Variants in KRT27 observed in about 807,000 individuals in gnomAD.
KRT27 encodes the protein keratin, type I cytoskeletal 27.
KRT27 carries 30 observed loss-of-function variants against 45.3 expected under a neutral mutation model. The ratio of observed to expected loss-of-function variants is 0.66; its 90% CI spans 0.50 to 0.90. KRT27 has a LOEUF of 0.90. Among genes scored for constraint, KRT27 ranks in the 40% least tolerant of loss-of-function variants. The pLI is 0.00. For synonymous variants in KRT27, 204 were observed against 223.9 expected, an observed-to-expected ratio of 0.91 and a Z score of 0.79; for missense variants, 610 against 564.3, an observed-to-expected ratio of 1.08 and a Z score of -0.82.
rs187440937 is a variant in KRT27 at position 40,781,151 on chromosome 17, C to A, written c.527+37G>T. 3,434 of 1,362,832 alleles carry A rather than the reference C, an allele frequency of 2.5e-3. 68 individuals carry two copies. The African/African-American group carries it at 0.045, about 18-fold the overall frequency. 84.4% of individuals were successfully genotyped at this position (1,362,832 alleles called of 1,614,324 possible). A position where few individuals can be genotyped will look rare whatever the true frequency, so the allele number is the denominator to read the frequency against. ...GAATAAAGGAGAAAAAATGCTTAGA[C>A]AACTTTTTTTTCCCATTTATCTTCA... On this transcript the variant is annotated intron_variant, in intron 2 of 7. Coordinates refer to ENST00000301656, the MANE Select transcript of KRT27 (RefSeq NM_181537.4).
rs2038274277 is a variant in KRT27 at position 40,777,285 on chromosome 17, T to C, written c.1208A>G (p.Lys403Arg). The C allele has an allele frequency of 1.7e-5, 27 of 1,613,714 alleles. No individual in the cohort carries two copies. The highest frequency in any genetic ancestry group is 2.2e-5 in the Non-Finnish European group (26 of 1,179,910). ...TTGATTTCCTGGGCCTCCATAGCCTTTTGATTTAGAACAGGAGCTGTAAAA... is the reference window on the plus strand; with the variant it reads ...TTGATTTCCTGGGCCTCCATAGCCTCTTGATTTAGAACAGGAGCTGTAAAA... ...DGEDGSCSKSKGYGGPGNQTK... is the reference protein window; with the variant it reads ...DGEDGSCSKSRGYGGPGNQTK... Residue 403 changes from lysine to arginine, a missense_variant, in exon 7 of 8, where the codon AAA becomes AGA. Transcript: ENST00000301656.
chr17:40,776,927 G>A lies in KRT27; in HGVS notation c.*72C>T, dbSNP rs1389641905. Reference sequence around the variant, plus strand: ...TGGAAGAAAAGCAGAAAAATAAGGGGACCCTTATTTAGGAAACTAGCTTCA... The same window carrying A: ...TGGAAGAAAAGCAGAAAAATAAGGGAACCCTTATTTAGGAAACTAGCTTCA... On this transcript the variant is annotated 3_prime_UTR_variant, in exon 8 of 8. Coordinates refer to ENST00000301656, the MANE Select transcript of KRT27 (RefSeq NM_181537.4). The A allele has an allele frequency of 5.2e-6, 7 of 1,346,232 alleles. No individual in the cohort carries two copies. The highest frequency in any genetic ancestry group is 7.2e-6 in the Non-Finnish European group (7 of 973,036). The allele number at this position is 1,346,232 out of a possible 1,614,324, so 83.4% of individuals were successfully genotyped here.
intron 1 of KRT27, among the ~76,000 whole-genome samples, 157 bp downstream of exon 1, chr17:40,781,893 G>T (rs542015642): frequency 6.8e-5 from 5 of 73,076 alleles, no homozygotes; most frequent in South Asian, 9.5e-4. Context: ...TCAAATATTA[G>T]AATTTATTAG....
At chr17:40,781,965 T>C in intron 1 of KRT27, 85 bp downstream of exon 1, 2 of 1,174,900 alleles carry the variant, frequency 1.7e-6, no homozygotes, top group South Asian at 3.0e-5. Context: ...AAAGCCCTGT[T>C]ATTGTGATAG....
intron 2 of KRT27, among the ~76,000 whole-genome samples, chr17:40,780,835 C>A (rs535391468): frequency 5.3e-5 from 8 of 151,884 alleles, no homozygotes; most frequent in African/African-American, 1.9e-4. Context: ...GGCGACAGAG[C>A]GAGACTCCGT....
At chr17:40,780,169 T>G (rs571363809) in intron 3 of KRT27, 131 bp downstream of exon 3, 1 of 1,005,574 alleles carries the variant, frequency 9.9e-7, no homozygotes, top group South Asian at 1.8e-5. Context: ...TCTCAAACAA[T>G]CTAAGCCTTA....
chr17:40,779,996 G>C, intron 3 of KRT27, 135 bp from the exon 4 acceptor site: 2 of 1,089,540 alleles, frequency 1.8e-6, no homozygotes, highest in Non-Finnish European at 1.3e-6. Flanking sequence ...CGAAATCCTG[G>C]CCTCAAGCGA....
intron 5 of KRT27, among the ~76,000 whole-genome samples, chr17:40,778,936 A>G (rs981129422): frequency 6.6e-6 from 1 of 152,170 alleles, no homozygotes; most frequent in Non-Finnish European, 1.5e-5. Context: ...GAATCAGGGC[A>G]GTTAGCATAT....
intron 5 of KRT27, among the ~76,000 whole-genome samples, chr17:40,778,768 A>C (rs2038285104): frequency 6.6e-6 from 1 of 152,208 alleles, no homozygotes; most frequent in Admixed American, 6.5e-5. Flanking sequence ...TTGAGTGGCC[A>C]AAAGGAATGC....
chr17:40,778,724 T>C (rs938134367), intron 5 of KRT27, among the ~76,000 whole-genome samples: 1 of 152,260 alleles, frequency 6.6e-6, no homozygotes, highest in African/African-American at 2.4e-5. Flanking sequence ...CCTCTGTCTA[T>C]GCCACTTACA....
chr17:40,778,653 G>A (rs938304548), intron 5 of KRT27, among the ~76,000 whole-genome samples: 11 of 152,214 alleles, frequency 7.2e-5, no homozygotes, highest in African/African-American at 2.4e-5. Context: ...CTTAATGAAA[G>A]CAGTTATGAT....
intron 1 of KRT27, 30 bp from the exon 2 acceptor site, chr17:40,781,300 GGAAATATTTA>G: frequency 7.4e-7 from 1 of 1,347,772 alleles, no homozygotes; most frequent in Non-Finnish European, 1.1e-6. Context: ...TTAAGATTGA[GGAAATATTTA>G]AGATGCATTT....
intron 5 of KRT27, 118 bp downstream of exon 5, chr17:40,779,384 T>C (rs1015212801): frequency 2.3e-6 from 3 of 1,280,338 alleles, no homozygotes; most frequent in Non-Finnish European, 2.1e-6. Flanking sequence ...ATGTCTTATG[T>C]CAAGCACTGT....
Position 40,782,262 on chromosome 17 carries a change from C to T in KRT27, c.232G>A (p.Gly78Ser), listed in dbSNP as rs145929879. The stretch of plus-strand genomic sequence containing the variant: ...ACCTTCTCATTGCCAGAGAGGAGGC[C>T]GTGCTCATTCCCTGTGAAGGCAGCA... ...SCAAFTGNEH[G>S]LLSGNEKVTM... Residue 78 changes from glycine to serine, a missense_variant, in exon 1 of 8, where the codon GGC (glycine) becomes AGC (serine). Transcript: ENST00000301656. 9 of 1,614,198 alleles carry T rather than the reference C, an allele frequency of 5.6e-6. No homozygotes were observed. In the East Asian group the frequency reaches 6.7e-5, roughly 12 times the overall value.
chr17:40,779,843 A>C lies in KRT27; in HGVS notation c.703T>G (p.Cys235Gly). 9 of 1,606,464 alleles carry C rather than the reference A, an allele frequency of 5.6e-6. No individual in the cohort carries two copies. Among genetic ancestry groups the C allele is most frequent in the Non-Finnish European group, 7.6e-6 (9 of 1,178,136 alleles). Residue 235 changes from cysteine to glycine, a missense_variant, in exon 4 of 8, where the codon TGC (cysteine) becomes GGC (glycine). Transcript: ENST00000301656. ...ACGTTCACGTTGCCTCCAGCCGCGC[A>C]CTGAAGAGCTTTCATTTCCTGAAAG... The part of the protein sequence containing the change: ...NHEEEMKALQ[C>G]AAGGNVNVEM...
In KRT27 at chr17:40,777,718, C is replaced by T. The variant is rs766560456; in HGVS notation, c.987G>A (p.Glu329=). ...QSLLATKHSL[E]CSLTETESNY... is the part of the protein sequence containing the mutation. ...TACTCTCGGTCTCTGTCAAGGAGCA[C>T]TCCAGGGAGTGTTTCTGTAGTTTGG... The change falls in exon 6 of 8, where the codon GAG becomes GAA. Residue 329 remains glutamate (E), a synonymous_variant. Coordinates refer to ENST00000301656, the MANE Select transcript of KRT27 (RefSeq NM_181537.4). 6.2e-7 allele frequency: 1 copy of T among 1,614,100 alleles called. No homozygotes were observed. Among genetic ancestry groups the T allele is most frequent in the Non-Finnish European group, 8.5e-7 (1 of 1,180,004 alleles).
Position 40,777,717 on chromosome 17 carries a change from A to G in KRT27, c.988T>C (p.Cys330Arg), listed in dbSNP as rs2038277856. The change falls in exon 6 of 8, where the codon TGC (cysteine) becomes CGC (arginine). Residue 330 changes from cysteine (C) to arginine (R), a missense_variant. Cys to Arg is a radical substitution (Grantham distance 180, BLOSUM62 -3). Coordinates refer to ENST00000301656, the MANE Select transcript of KRT27 (RefSeq NM_181537.4). Reference sequence around the variant, plus strand: ...TTACTCTCGGTCTCTGTCAAGGAGCACTCCAGGGAGTGTTTCTGTAGTTTG... The same window carrying G: ...TTACTCTCGGTCTCTGTCAAGGAGCGCTCCAGGGAGTGTTTCTGTAGTTTG... ...SLLATKHSLE[C>R]SLTETESNYC... The G allele has an allele frequency of 2.5e-6, 4 of 1,613,926 alleles. No homozygotes were observed. Among genetic ancestry groups the G allele is most frequent in the Non-Finnish European group, 3.4e-6 (4 of 1,180,010 alleles).
At position 40,779,485 on chromosome 17, in the gene KRT27, T is replaced by C. The variant is rs1205751449; in HGVS notation, c.972+17A>G. On this transcript the variant is annotated intron_variant, in intron 5 of 7. Transcript: ENST00000301656. Reference sequence around the variant, plus strand: ...CTCAATTTCTAAAGCAAATCTGTTTTGTAACTTTTCGCTTACCGTTGCTAA... The same window carrying C: ...CTCAATTTCTAAAGCAAATCTGTTTCGTAACTTTTCGCTTACCGTTGCTAA... 3 of 1,589,160 alleles carry C rather than the reference T, an allele frequency of 1.9e-6. No homozygotes were observed. The highest frequency in any genetic ancestry group is 2.6e-6 in the Non-Finnish European group (3 of 1,168,474).
Position 40,776,843 on chromosome 17 carries a change from A to C in KRT27, c.*156T>G. On this transcript the variant is annotated 3_prime_UTR_variant, in exon 8 of 8. Transcript: ENST00000301656. ...CAGGAAGAACTTTTATTGAAACACCACCATAGAGAAAAAGCCAAAGAAATG... is the reference window on the plus strand; with the variant it reads ...CAGGAAGAACTTTTATTGAAACACCCCCATAGAGAAAAAGCCAAAGAAATG... 2 of 611,320 alleles carry C rather than the reference A, an allele frequency of 3.3e-6. No individual in the cohort carries two copies. The highest frequency in any genetic ancestry group is 4.5e-4 in the Middle Eastern group (1 of 2,226). The allele number at this position is 611,320 out of a possible 1,614,324, so 37.9% of individuals were successfully genotyped here. A position where few individuals can be genotyped will look rare whatever the true frequency, so the allele number is the denominator to read the frequency against.
Sources: allele counts gnomAD v4.1 joint callset (sites outside exome capture counted in the v4.1 genomes callset), GRCh38; gene constraint gnomAD v4.1.1; transcripts MANE v1.5; gene names NCBI Gene and HGNC (gene_info 2026-07-23, HGNC 2026-07-21).